PREX1: variants seen among roughly 807,000 people sequenced by gnomAD.
The protein encoded by PREX1 is phosphatidylinositol 3,4,5-trisphosphate-dependent Rac exchanger 1 protein.
Under a neutral mutation model 198.3 loss-of-function variants are expected in PREX1, and 41 were observed. The ratio of observed to expected loss-of-function variants is 0.21; its 90% CI spans 0.16 to 0.27. PREX1 has a LOEUF of 0.27. Ranked by LOEUF, PREX1 falls within the 10% of genes least tolerant of loss-of-function variation. The probability of loss-of-function intolerance (pLI) is 1.00; values close to 1 mark genes in which losing one functional copy is unlikely to be tolerated. For synonymous variants in PREX1, 843 were observed against 887.2 expected, an observed-to-expected ratio of 0.95 and a Z score of 0.89; for missense variants, 1,620 against 2,200.7, an observed-to-expected ratio of 0.74 and a Z score of 5.28.
intron 5 of PREX1, among the ~76,000 whole-genome samples, chr20:48,717,809 A>G (rs1355912763): frequency 6.6e-6 from 1 of 152,218 alleles, no homozygotes; most frequent in Non-Finnish European, 1.5e-5. Context: ...GAGGGTTCCT[A>G]TCAGGAAGTT....
chr20:48,768,569 C>T (rs912627432), intron 1 of PREX1, among the ~76,000 whole-genome samples: 1 of 151,980 alleles, frequency 6.6e-6, no homozygotes, highest in Non-Finnish European at 1.5e-5. Flanking sequence ...CAGAGGCGGC[C>T]GATCACTTGA....
Position 48,797,290 on chromosome 20 carries a change from T to C in PREX1, c.219+30352A>G, listed in dbSNP as rs950439278. On this transcript the variant is annotated intron_variant, in intron 1 of 39. Transcript: ENST00000371941. ...ATGGGAATCAAGCTGGCCTTTGTGG[T>C]TGAGTCCAGCAGAGCAGGACAAAGG... Among the ~76,000 whole-genome samples the C allele has an allele frequency of 3.3e-5, 5 of 151,924 alleles. No homozygotes were observed. In the East Asian group the frequency reaches 5.8e-4, roughly 18 times the overall value.
upstream of PREX1, among the ~76,000 whole-genome samples, chr20:48,829,491 GA>G (rs1316753155): frequency 6.6e-6 from 1 of 152,146 alleles, no homozygotes; most frequent in Non-Finnish European, 1.5e-5. Context: ...CTTTCTTTGG[GA>G]TCATGGGCAA....
chr20:48,629,682 C>A, intron 36 of PREX1, 61 bp from the exon 37 acceptor site: 1 of 1,541,572 alleles, frequency 6.5e-7, no homozygotes. Context: ...CCCTCAGCCC[C>A]CATCTGGCCC....
the PREX1 span, among the ~76,000 whole-genome samples, chr20:48,847,364 T>TAAAAAAAAAAAAAAAAAAAAAAA: frequency 2.6e-4 from 20 of 77,196 alleles, no homozygotes; most frequent in Non-Finnish European, 3.6e-4. Flanking sequence ...CCTTCTCTTA[T>TAAAAAAAAAAAAAAAAAAAAAAA]AAAAAAAAAA....
the PREX1 span, among the ~76,000 whole-genome samples, chr20:48,880,137 A>G: frequency 1.3e-5 from 2 of 152,328 alleles, no homozygotes; most frequent in Non-Finnish European, 2.9e-5. Flanking sequence ...TGTTCTTTGA[A>G]ATAAGAACCC....
chr20:48,656,800 T>C (rs1199960818), intron 18 of PREX1, among the ~76,000 whole-genome samples: 1 of 152,210 alleles, frequency 6.6e-6, no homozygotes, highest in Admixed American at 6.5e-5. Context: ...CTGAGATCTA[T>C]GAATGGCAGG....
chr20:48,740,345 T>A (rs941558173), intron 3 of PREX1, among the ~76,000 whole-genome samples: 1 of 152,162 alleles, frequency 6.6e-6, no homozygotes, highest in Non-Finnish European at 1.5e-5. Context: ...TGGCTGACAA[T>A]GACCCTCAGC....
chr20:48,727,505 C>G (rs941768837), intron 4 of PREX1, among the ~76,000 whole-genome samples: 3 of 152,090 alleles, frequency 2.0e-5, no homozygotes. Context: ...TAAACACTGA[C>G]CAAGAGCTAA....
chr20:48,737,770 G>A (rs1371569085), intron 3 of PREX1, among the ~76,000 whole-genome samples: 3 of 152,308 alleles, frequency 2.0e-5, no homozygotes, highest in East Asian at 1.9e-4. Context: ...GCCACCATGT[G>A]AGGCATGCAC....
intron 1 of PREX1, among the ~76,000 whole-genome samples, chr20:48,793,225 A>G (rs546345118): frequency 2.0e-5 from 3 of 152,328 alleles, no homozygotes; most frequent in African/African-American, 7.2e-5. Flanking sequence ...ATAAATACAT[A>G]CATACATAAA....
In PREX1 at chr20:48,651,562, C is replaced by T. The variant is rs1348742136; in HGVS notation, c.2489G>A (p.Gly830Asp). The T allele has an allele frequency of 6.2e-7, 1 of 1,613,670 alleles. No individual in the cohort carries two copies. The highest frequency in any genetic ancestry group is 8.5e-7 in the Non-Finnish European group (1 of 1,179,858). ...ADSAFPLLSL[G>D]PRLSLCEDSP... ...GTCCTCACACAGGCTCAGCCGGGGA[C>T]CCAGGGACAGCAGTGGGAAGGCTGG... Residue 830 changes from glycine (G) to aspartate (D), a missense_variant, in exon 22 of 40, where the codon GGT (glycine) becomes GAT (aspartate). Physicochemically the swap from Gly to Asp is moderately conservative, Grantham distance 94 (BLOSUM62 -1). This residue lies in a region of PREX1 where 514 missense variants were observed against 611.6 expected (regional missense o/e 0.84). Transcript: ENST00000371941.
At chr20:48,658,434 C>T (rs867774625) in intron 16 of PREX1, among the ~76,000 whole-genome samples, 8 of 152,248 alleles carry the variant, frequency 5.3e-5, no homozygotes, top group African/African-American at 1.4e-4. Flanking sequence ...ACGAATCACA[C>T]GGATCCAAAG....
chr20:48,669,214 C>T (rs1379520644), intron 14 of PREX1, among the ~76,000 whole-genome samples: 1 of 152,030 alleles, frequency 6.6e-6, no homozygotes, highest in Non-Finnish European at 1.5e-5. Flanking sequence ...TCGTCCTTTC[C>T]TGCACACCTG....
chr20:48,650,182 C>A lies in PREX1; in HGVS notation c.2842G>T (p.Val948Phe). 1 of 1,613,336 alleles carries A rather than the reference C, an allele frequency of 6.2e-7. No individual in the cohort carries two copies. Among genetic ancestry groups the A allele is most frequent in the Non-Finnish European group, 8.5e-7 (1 of 1,179,666 alleles). Residue 948 changes from valine (V) to phenylalanine (F), a missense_variant, in exon 24 of 40, where the codon GTC becomes TTC. Val to Phe is a conservative substitution (Grantham distance 50). This residue lies in a region of PREX1 where 514 missense variants were observed against 611.6 expected (regional missense o/e 0.84). Transcript: ENST00000371941. Reference sequence around the variant, plus strand: ...GGGGCTTGTTTGAAGGGTGGGCTGACCCTGCTCTTCAGTTGGGCTGCAAAC... The same window carrying A: ...GGGGCTTGTTTGAAGGGTGGGCTGAACCTGCTCTTCAGTTGGGCTGCAAAC... ...QEFAAQLKSR[V>F]SPPFKQAPLE...
the PREX1 span, among the ~76,000 whole-genome samples, chr20:48,855,243 G>C: frequency 6.6e-6 from 1 of 152,046 alleles, no homozygotes; most frequent in Non-Finnish European, 1.5e-5. Context: ...TCCTGTTGCC[G>C]TCAACCCTTC....
the PREX1 span, among the ~76,000 whole-genome samples, chr20:48,881,170 G>A: frequency 6.6e-6 from 1 of 152,080 alleles, no homozygotes; most frequent in South Asian, 2.1e-4. Context: ...GAGTGGGTAG[G>A]AGTATAGCGA....
chr20:48,686,563 C>A (rs910700048), intron 10 of PREX1, among the ~76,000 whole-genome samples: 12 of 152,188 alleles, frequency 7.9e-5, no homozygotes, highest in Non-Finnish European at 1.3e-4. Context: ...GTTCTCTGGC[C>A]CCAGGGGGCC....
chr20:48,759,565 A>AAAAAAG (rs1555842233), intron 1 of PREX1, among the ~76,000 whole-genome samples: 1 of 146,646 alleles, frequency 6.8e-6, no homozygotes, highest in African/African-American at 2.5e-5. Flanking sequence ...AAAAAAAAAA[A>AAAAAAG]AAAGAAAAGA....
Sources: allele counts gnomAD v4.1 joint callset (sites outside exome capture counted in the v4.1 genomes callset), GRCh38; gene constraint gnomAD v4.1.1; regional missense constraint gnomAD v4.1.1; transcripts MANE v1.5; gene names NCBI Gene and HGNC (gene_info 2026-07-23, HGNC 2026-07-21).